APBB2: variants seen among roughly 807,000 people sequenced by gnomAD.
The protein encoded by APBB2 is amyloid beta precursor protein binding family B member 2, also known as Fe65-like 1.
In APBB2, 38 loss-of-function variants were observed where a neutral mutation model predicts 82.5. The observed-to-expected ratio is 0.46, with a 90% CI of 0.36 to 0.60. The LOEUF (loss-of-function observed/expected upper bound fraction) is 0.60, where lower values mean the gene tolerates loss of function less well. APBB2 is among the 20% of genes least tolerant of loss of function. The pLI is 0.00. For synonymous variants in APBB2, 341 were observed against 368.2 expected (o/e 0.93, Z 0.85); for missense variants, 772 against 972.3 (o/e 0.79, Z 2.74).
chr4:40,893,551 G>GC, intron 10 of APBB2, 140 bp from the exon 11 acceptor site: 1 of 737,626 alleles, frequency 1.4e-6, no homozygotes, highest in Non-Finnish European at 2.0e-6. Flanking sequence ...TCATCTAATT[G>GC]AGTTAACAAA....
At chr4:41,173,927 C>G (rs1480068132) in intron 1 of APBB2, among the ~76,000 whole-genome samples, 2 of 151,736 alleles carry the variant, frequency 1.3e-5, no homozygotes, top group Non-Finnish European at 2.9e-5. Flanking sequence ...ACATGCAAAC[C>G]CCAGTGTTAA....
intron 1 of APBB2, among the ~76,000 whole-genome samples, chr4:41,145,010 T>C (rs545237610): frequency 3.9e-5 from 6 of 152,184 alleles, no homozygotes; most frequent in Non-Finnish European, 7.4e-5. Context: ...GGCCCAGCTA[T>C]TTAGGAGGCT....
Position 41,014,195 on chromosome 4 carries a change from TGTTA to T in APBB2, c.219_222del (p.Asn74SerfsTer26), listed in dbSNP as rs774272543. 5.6e-6 allele frequency: 9 copies of T among 1,614,074 alleles called. No individual in the cohort carries two copies. The highest frequency in any genetic ancestry group is 1.3e-5 in the African/African-American group (1 of 74,920). Reference sequence around the variant, plus strand: ...TCCGAGAGGCCCATGGCCGCCTGGATGTTAGTTAGTGCATATTTTTTCCTGCATT... The same window carrying T: ...TCCGAGAGGCCCATGGCCGCCTGGATGTTAGTGCATATTTTTTCCTGCATT... On this transcript the variant is annotated frameshift_variant, in exon 6 of 18. Coordinates refer to ENST00000508593, the MANE Select transcript of APBB2 (RefSeq NM_004307.2). LOFTEE classifies it high-confidence loss of function.
chr4:40,980,391 A>G (rs1473476709), intron 6 of APBB2, among the ~76,000 whole-genome samples: 1 of 152,048 alleles, frequency 6.6e-6, no homozygotes, highest in Non-Finnish European at 1.5e-5. Context: ...TCTCCTCATT[A>G]TTTCTTTTGC....
intron 10 of APBB2, among the ~76,000 whole-genome samples, chr4:40,924,951 T>C (rs1383103422): frequency 6.6e-6 from 1 of 152,202 alleles, no homozygotes; most frequent in Non-Finnish European, 1.5e-5. Flanking sequence ...TATCAAATCA[T>C]TTTCAAAGCT....
intron 10 of APBB2, among the ~76,000 whole-genome samples, chr4:40,920,805 T>A (rs4470672): frequency 0.38 from 57,467 of 151,472 alleles, 11,203 homozygotes; most frequent in East Asian, 0.64. Context: ...TGGGAGGCGG[T>A]GGTTGCTGTG....
intron 10 of APBB2, among the ~76,000 whole-genome samples, chr4:40,911,931 G>A (rs1466343461): frequency 2.6e-5 from 4 of 152,166 alleles, no homozygotes; most frequent in Non-Finnish European, 2.9e-5. Context: ...TCAGAGCACT[G>A]GGATGCTGCA....
At position 41,109,527 on chromosome 4, in the gene APBB2, G is replaced by A. The variant is rs1016337614; in HGVS notation, c.-260-8777C>T. On this transcript the variant is annotated intron_variant, in intron 2 of 17. Transcript: ENST00000508593. ...GCTCTGTCACCCAGGCTGGAGTGCA[G>A]TGGCGTGATCTTGGCTCACTGCAAC... 3.3e-5 allele frequency among the ~76,000 whole-genome samples: 5 copies of A among 152,156 alleles called. No individual in the cohort carries two copies. The South Asian group carries it at 1.0e-3, about 32-fold the overall frequency.
intron 5 of APBB2, among the ~76,000 whole-genome samples, chr4:41,018,397 G>A (rs1045765315): frequency 3.3e-5 from 5 of 152,190 alleles, no homozygotes; most frequent in Non-Finnish European, 7.3e-5. Flanking sequence ...CTCACCTAGG[G>A]TTGGAGAGGA....
At chr4:40,816,396 A>G in intron 17 of APBB2, 137 bp from the exon 18 acceptor site, 1 of 951,982 alleles carries the variant, frequency 1.1e-6, no homozygotes, top group Non-Finnish European at 1.5e-6. Flanking sequence ...TCCAAGAGTT[A>G]TTTTTCTCTG....
At chr4:40,982,374 G>A (rs1361477249) in intron 6 of APBB2, among the ~76,000 whole-genome samples, 2 of 13,282 alleles carry the variant, frequency 1.5e-4, no homozygotes, top group Admixed American at 2.2e-3. Flanking sequence ...AAGGAAGGAA[G>A]GAAGGAAGGA....
intron 12 of APBB2, among the ~76,000 whole-genome samples, chr4:40,848,394 G>A (rs1027255132): frequency 3.3e-5 from 5 of 152,212 alleles, no homozygotes; most frequent in African/African-American, 1.2e-4. Flanking sequence ...AAAGCCCACA[G>A]CTAGCAGGTG....
chr4:40,943,579 G>T (rs1163928956), intron 7 of APBB2, among the ~76,000 whole-genome samples: 2 of 152,206 alleles, frequency 1.3e-5, no homozygotes, highest in Admixed American at 1.3e-4. Flanking sequence ...CAAACTCCTT[G>T]AGGGCTGAGA....
At chr4:41,102,418 C>T (rs1745779876) in intron 2 of APBB2, among the ~76,000 whole-genome samples, 1 of 152,206 alleles carries the variant, frequency 6.6e-6, no homozygotes, top group Non-Finnish European at 1.5e-5. Flanking sequence ...ATCCCCTGGG[C>T]ATCACTGTAT....
At chr4:41,196,599 C>CTTTTTTTTTTTTTTT in intron 1 of APBB2, among the ~76,000 whole-genome samples, 2 of 100,352 alleles carry the variant, frequency 2.0e-5, no homozygotes, top group Non-Finnish European at 1.9e-5. Flanking sequence ...AAGCCCCCTG[C>CTTTTTTTTTTTTTTT]TTTTTTTTTT....
chr4:40,945,111 G>C, intron 6 of APBB2, 38 bp from the exon 7 acceptor site: 1 of 1,371,134 alleles, frequency 7.3e-7, no homozygotes, highest in Non-Finnish European at 1.0e-6. Context: ...GAGAAAGAGA[G>C]AATTTTATTA....
chr4:40,933,992 T>C (rs967237348), intron 10 of APBB2, among the ~76,000 whole-genome samples: 20 of 152,152 alleles, frequency 1.3e-4, no homozygotes, highest in Admixed American at 5.2e-4. Context: ...GCCCCCAGTT[T>C]TCCATCATAA....
At chr4:40,940,876 G>T (rs1252979517) in intron 7 of APBB2, among the ~76,000 whole-genome samples, 1 of 152,198 alleles carries the variant, frequency 6.6e-6, no homozygotes, top group Non-Finnish European at 1.5e-5. Context: ...TATCCAAGCA[G>T]TCTGCAAGGT....
chr4:41,195,845 T>A, intron 1 of APBB2, among the ~76,000 whole-genome samples: 1 of 152,094 alleles, frequency 6.6e-6, no homozygotes, highest in Admixed American at 6.6e-5. Flanking sequence ...CTCAACTCTT[T>A]CAAGTCCTCT....
Sources: allele counts gnomAD v4.1 joint callset (sites outside exome capture counted in the v4.1 genomes callset), GRCh38; gene constraint gnomAD v4.1.1; transcripts MANE v1.5; gene names NCBI Gene and HGNC (gene_info 2026-07-23, HGNC 2026-07-21).